CHAF1B: variants seen among roughly 807,000 people sequenced by gnomAD.
CHAF1B encodes the protein CAF-1 subunit B.
A neutral mutation model predicts 60.7 loss-of-function variants in CHAF1B; 10 were observed. The observed-to-expected ratio is 0.16, with a 90% CI of 0.10 to 0.28. The LOEUF is 0.28. Ranked by LOEUF, CHAF1B falls within the 10% of genes least tolerant of loss-of-function variation. CHAF1B has a pLI of 1.00. For synonymous variants in CHAF1B, 261 were observed against 266.1 expected (o/e 0.98, Z 0.19); for missense variants, 558 against 708.4 (o/e 0.79, Z 2.41).
rs776732427 is a variant in CHAF1B at position 36,413,342 on chromosome 21, A to G, written c.1493+27A>G. 5.2e-6 allele frequency: 8 copies of G among 1,524,274 alleles called. No homozygotes were observed. The Admixed American group carries it at 1.3e-4, about 25-fold the overall frequency. The allele number at this position is 1,524,274 out of a possible 1,614,324, so 94.4% of individuals were successfully genotyped here. A position where few individuals can be genotyped will look rare whatever the true frequency, so the allele number is the denominator to read the frequency against. On this transcript the variant is annotated intron_variant, in intron 12 of 13. Coordinates refer to ENST00000314103, the MANE Select transcript of CHAF1B (RefSeq NM_005441.3). Reference sequence around the variant, plus strand: ...TAAGAACTTGTTGGAACAAGATGTCATTGCAAAATGAAACACAAAATGCAG... The same window carrying G: ...TAAGAACTTGTTGGAACAAGATGTCGTTGCAAAATGAAACACAAAATGCAG...
intron 8 of CHAF1B, among the ~76,000 whole-genome samples, chr21:36,404,187 G>A (rs1442843409): frequency 2.2e-5 from 3 of 135,700 alleles, no homozygotes; most frequent in African/African-American, 5.7e-5. Flanking sequence ...TGCAGCCTCC[G>A]CCTCCCAGTT....
At chr21:36,395,721 G>A (rs960689951) in intron 5 of CHAF1B, among the ~76,000 whole-genome samples, 23 of 152,204 alleles carry the variant, frequency 1.5e-4, no homozygotes, top group South Asian at 4.1e-4. Flanking sequence ...CATGTGAAAA[G>A]TTATAGTGGT....
intron 3 of CHAF1B, among the ~76,000 whole-genome samples, chr21:36,390,410 C>T (rs1166742671): frequency 1.3e-5 from 2 of 151,710 alleles, no homozygotes; most frequent in South Asian, 2.1e-4. Context: ...ATTCACTGTC[C>T]TGCTGTGCAC....
At chr21:36,415,916 G>A in intron 13 of CHAF1B, 2 of 319,958 alleles carry the variant, frequency 6.3e-6, no homozygotes, top group South Asian at 2.5e-5. Context: ...TCACACCCGG[G>A]TAATTTTTGT....
At chr21:36,409,247 T>G (rs985645637) in intron 9 of CHAF1B, 127 bp from the exon 10 acceptor site, 33 of 617,878 alleles carry the variant, frequency 5.3e-5, no homozygotes, top group Non-Finnish European at 8.6e-5. Context: ...GTGATCCGCC[T>G]GCCTCCTCCT....
Position 36,416,564 on chromosome 21 carries a change from G to T in CHAF1B, c.*198G>T. On this transcript the variant is annotated 3_prime_UTR_variant, in exon 14 of 14. Transcript: ENST00000314103. Reference sequence around the variant, plus strand: ...GTATTCAGTATCCATTTTTAACTTGGGACATGAACGTTTTAACGTAGTAAA... The same window carrying T: ...GTATTCAGTATCCATTTTTAACTTGTGACATGAACGTTTTAACGTAGTAAA... 1 of 460,166 alleles carries T rather than the reference G, an allele frequency of 2.2e-6. No individual in the cohort carries two copies. The highest frequency in any genetic ancestry group is 1.9e-5 in the African/African-American group (1 of 52,018). 28.5% of individuals were successfully genotyped at this position (460,166 alleles called of 1,614,324 possible). A position where few individuals can be genotyped will look rare whatever the true frequency, so the allele number is the denominator to read the frequency against.
chr21:36,402,674 G>A, intron 7 of CHAF1B, 84 bp from the exon 8 acceptor site: 5 of 1,086,192 alleles, frequency 4.6e-6, no homozygotes, highest in Non-Finnish European at 6.9e-6. Flanking sequence ...TTATTTGTGA[G>A]TGTAAAGATT....
chr21:36,401,853 G>C (rs1454276096), intron 7 of CHAF1B, among the ~76,000 whole-genome samples: 1 of 151,706 alleles, frequency 6.6e-6, no homozygotes, highest in Non-Finnish European at 1.5e-5. Context: ...CGGTTCTCCT[G>C]CCTCAGCCTC....
At chr21:36,389,758 G>GAT (rs201771486) in intron 3 of CHAF1B, among the ~76,000 whole-genome samples, 7,720 of 115,836 alleles carry the variant, frequency 0.067, 404 homozygotes, top group African/African-American at 0.17. Context: ...TGCATGAAGG[G>GAT]ATGTGTGTGT....
chr21:36,391,233 A>G (rs977272767), intron 3 of CHAF1B, among the ~76,000 whole-genome samples: 1 of 152,172 alleles, frequency 6.6e-6, no homozygotes, highest in African/African-American at 2.4e-5. Context: ...CTCAGAAGGC[A>G]ATTTGCCTAC....
chr21:36,392,887 C>T (rs556095855), intron 4 of CHAF1B, among the ~76,000 whole-genome samples: 231 of 152,256 alleles, frequency 1.5e-3, no homozygotes, highest in African/African-American at 5.3e-3. Context: ...TTGTAGCGAG[C>T]GGAGACCACG....
At chr21:36,387,768 A>T in intron 3 of CHAF1B, 38 bp downstream of exon 3, 1 of 1,610,140 alleles carries the variant, frequency 6.2e-7, no homozygotes, top group Non-Finnish European at 8.5e-7. Context: ...TTCGGGAACC[A>T]GATAGATACC....
At chr21:36,404,953 A>T (rs1198486095) in intron 8 of CHAF1B, among the ~76,000 whole-genome samples, 1 of 151,570 alleles carries the variant, frequency 6.6e-6, no homozygotes, top group Non-Finnish European at 1.5e-5. Context: ...CATGTTGGCC[A>T]GGCTGGTCCC....
Position 36,413,231 on chromosome 21 carries a change from A to C in CHAF1B, c.1409A>C (p.Gln470Pro), listed in dbSNP as rs1192282749. 1.9e-6 allele frequency: 3 copies of C among 1,611,904 alleles called. No individual in the cohort carries two copies. The highest frequency in any genetic ancestry group is 2.5e-6 in the Non-Finnish European group (3 of 1,178,114). The change falls in exon 12 of 14, where the codon CAG (glutamine) becomes CCG (proline). Residue 470 changes from glutamine (Q) to proline (P), a missense_variant. Gln to Pro is a moderately conservative substitution (Grantham distance 76, BLOSUM62 -1). Around this residue, in one of 2 missense-constraint regions of CHAF1B, gnomAD observed 233 missense variants for 214.9 expected, o/e 1.08. Transcript: ENST00000314103. ...LPGPSEEKTL[Q>P]PSSQNTKAHP... The stretch of plus-strand genomic sequence containing the variant: ...GGGCCTTCGGAGGAGAAGACCCTGC[A>C]GCCCAGTAGTCAAAACACAAAAGCC...
intron 3 of CHAF1B, chr21:36,388,901 C>T (rs547209014): frequency 1.7e-4 from 26 of 152,368 alleles, no homozygotes; most frequent in African/African-American, 5.5e-4. Flanking sequence ...AGTAGCTGCT[C>T]GTGTTTGATC....
chr21:36,402,728 A>C, intron 7 of CHAF1B, 30 bp from the exon 8 acceptor site: 1 of 1,574,200 alleles, frequency 6.4e-7, no homozygotes. Context: ...AAACAAAAAA[A>C]ATAATAAAAA....
Position 36,394,500 on chromosome 21 carries a change from A to G in CHAF1B, c.378-47A>G, listed in dbSNP as rs376165251. 1.1e-4 allele frequency: 151 copies of G among 1,333,868 alleles called. 1 individual carries two copies. Among genetic ancestry groups the G allele is most frequent in the Middle Eastern group, 2.2e-4 (1 of 4,540 alleles). 82.6% of individuals were successfully genotyped at this position (1,333,868 alleles called of 1,614,324 possible). A position where few individuals can be genotyped will look rare whatever the true frequency, so the allele number is the denominator to read the frequency against. ...GCTGGGATTACAGGGGTAAGCTGCT[A>G]TACCTGGGGAGTAATTGCTTTTTTC... On this transcript the variant is annotated intron_variant, in intron 4 of 13. Transcript: ENST00000314103.
intron 13 of CHAF1B, 74 bp from the exon 14 acceptor site, chr21:36,416,201 A>G: frequency 7.7e-7 from 1 of 1,295,180 alleles, no homozygotes; most frequent in South Asian, 1.3e-5. Context: ...TTGGCTCTGT[A>G]TTCTGTAAAT....
chr21:36,411,935 G>A (rs1031954850), intron 11 of CHAF1B, among the ~76,000 whole-genome samples: 5 of 152,012 alleles, frequency 3.3e-5, no homozygotes, highest in African/African-American at 1.2e-4. Context: ...CGCCCTGTTG[G>A]CCAGGCTGGT....
Sources: gnomAD v4.1 joint callset for allele counts (sites outside exome capture counted in the v4.1 genomes callset) on GRCh38, gnomAD v4.1.1 for gene constraint, gnomAD v4.1.1 regional missense constraint, MANE v1.5 for transcripts, NCBI Gene and HGNC (gene_info 2026-07-23, HGNC 2026-07-21) for gene names.